The following CFAP47 variants were observed in gnomAD, a reference collection of about 807,000 sequenced individuals.
The protein encoded by CFAP47 is cilia- and flagella-associated protein 47.
In CFAP47, 29 loss-of-function variants were observed where a neutral mutation model predicts 148.1. The ratio of observed to expected loss-of-function variants is 0.20; its 90% CI spans 0.15 to 0.27. CFAP47 has a LOEUF of 0.27. Ranked by LOEUF, CFAP47 falls within the 10% of genes least tolerant of loss-of-function variation. The pLI, the probability that CFAP47 is intolerant of heterozygous loss-of-function variation, is 1.00. For missense variants in CFAP47, 1,872 were observed against 1,697.5 expected (o/e 1.10, Z -1.81); for synonymous variants, 664 against 577.3 (o/e 1.15, Z -2.15).
At chrX:36,339,460 A>G (rs1269414473) in intron 57 of CFAP47, among the ~76,000 whole-genome samples, 1 of 112,208 alleles carries the variant, frequency 8.9e-6, no homozygotes, top group Non-Finnish European at 1.9e-5. Context: ...CTAGAAAAAT[A>G]TACAGTTTCT....
chrX:36,120,962 TGAA>T (rs1033091768), intron 33 of CFAP47, among the ~76,000 whole-genome samples: 4 of 111,728 alleles, frequency 3.6e-5, no homozygotes, highest in African/African-American at 1.3e-4. Context: ...AGTGGGGTGT[TGAA>T]GTCTCCAGCT....
At chrX:36,308,191 T>A (rs1941366154) in intron 55 of CFAP47, among the ~76,000 whole-genome samples, 1 of 111,623 alleles carries the variant, frequency 9.0e-6, no homozygotes, top group Non-Finnish European at 1.9e-5. Context: ...TGTTAAATTC[T>A]TTATCAAACA....
intron 8 of CFAP47, among the ~76,000 whole-genome samples, chrX:35,965,316 T>G (rs1936387233): frequency 9.0e-6 from 1 of 111,404 alleles, no homozygotes; most frequent in Admixed American, 9.6e-5. Context: ...TAAGTAAGTA[T>G]GTTGGGGCAT....
intron 15 of CFAP47, among the ~76,000 whole-genome samples, chrX:35,984,982 A>G (rs1013522013): frequency 9.0e-6 from 1 of 110,992 alleles, no homozygotes; most frequent in East Asian, 2.8e-4. Context: ...TGAGTTTAGG[A>G]CCCGAATATC....
At chrX:36,355,126 T>G (rs1556018244) in intron 60 of CFAP47, among the ~76,000 whole-genome samples, 1 of 111,179 alleles carries the variant, frequency 9.0e-6, no homozygotes, top group African/African-American at 3.3e-5. Flanking sequence ...GAAAAAAAGT[T>G]CAATATCACT....
chrX:36,155,740 A>G (rs1474492531), intron 37 of CFAP47, among the ~76,000 whole-genome samples: 1 of 111,195 alleles, frequency 9.0e-6, no homozygotes, highest in Non-Finnish European at 1.9e-5. Context: ...CAGTGCTGTC[A>G]GTAATAAATA....
intron 45 of CFAP47, among the ~76,000 whole-genome samples, chrX:36,228,240 T>C (rs1309508951): frequency 9.0e-6 from 1 of 111,251 alleles, no homozygotes; most frequent in South Asian, 3.8e-4. Context: ...GTCTGGCCAG[T>C]TAAATGTAAT....
chrX:35,951,828 A>G lies in CFAP47; in HGVS notation c.911A>G (p.Asp304Gly), dbSNP rs767420279. 2.6e-6 allele frequency: 3 copies of G among 1,147,659 alleles called. No individual in the cohort carries two copies. The highest frequency in any genetic ancestry group is 3.4e-6 in the Non-Finnish European group (3 of 871,739). 94.6% of individuals were successfully genotyped at this position (1,147,659 alleles called of 1,213,427 possible). Residue 304 changes from aspartate (D) to glycine (G), a missense_variant, in exon 6 of 64, where the codon GAT becomes GGT. Coordinates refer to ENST00000378653, the MANE Select transcript of CFAP47 (RefSeq NM_001304548.2). Reference sequence around the variant, plus strand: ...GGTACAGATATTCAACAAAGAACAGATATTGCTTTAAATAATCTCACCTAC... The same window carrying G: ...GGTACAGATATTCAACAAAGAACAGGTATTGCTTTAAATAATCTCACCTAC... ...ELGTDIQQRT[D>G]IALNNLTYIR...
chrX:36,152,794 G>A (rs1277970091), intron 37 of CFAP47, among the ~76,000 whole-genome samples: 3 of 111,236 alleles, frequency 2.7e-5, no homozygotes, highest in African/African-American at 9.8e-5. Context: ...TTTTTATGTG[G>A]AGAGAATGAA....
Position 36,145,356 on chromosome X carries a change from A to C in CFAP47, c.5670+3A>C. On this transcript the variant is annotated splice_donor_region_variant and intron_variant, in intron 36 of 63. Coordinates refer to ENST00000378653, the MANE Select transcript of CFAP47 (RefSeq NM_001304548.2). ...TACATGACACGGTGCTGAATAAGGTAAGGATAATTTTGGGGTCAAAATGTG... is the reference window on the plus strand; with the variant it reads ...TACATGACACGGTGCTGAATAAGGTCAGGATAATTTTGGGGTCAAAATGTG... 1 of 296,592 alleles carries C rather than the reference A, an allele frequency of 3.4e-6. No homozygotes were observed. The highest frequency in any genetic ancestry group is 5.9e-6 in the Non-Finnish European group (1 of 169,761). 24.4% of individuals were successfully genotyped at this position (296,592 alleles called of 1,213,427 possible). A position where few individuals can be genotyped will look rare whatever the true frequency, so the allele number is the denominator to read the frequency against.
intron 33 of CFAP47, among the ~76,000 whole-genome samples, chrX:36,120,000 C>CTT (rs1175886669): frequency 2.0e-5 from 2 of 100,067 alleles, no homozygotes; most frequent in Admixed American, 1.1e-4. Flanking sequence ...AACACATCAG[C>CTT]TTTTTTTTTT....
At chrX:35,966,473 T>C in intron 8 of CFAP47, 92 bp from the exon 9 acceptor site, 1 of 582,840 alleles carries the variant, frequency 1.7e-6, no homozygotes, top group Non-Finnish European at 2.4e-6. Context: ...TAGCTTTCCT[T>C]GAAATTTTAT....
intron 39 of CFAP47, among the ~76,000 whole-genome samples, chrX:36,162,978 G>A (rs1790106425): frequency 8.9e-6 from 1 of 111,815 alleles, no homozygotes; most frequent in South Asian, 3.7e-4. Context: ...GTGAAGGATT[G>A]GTATTAGTTA....
intron 49 of CFAP47, among the ~76,000 whole-genome samples, chrX:36,255,111 C>T (rs782225975): frequency 2.3e-4 from 26 of 111,626 alleles, no homozygotes; most frequent in African/African-American, 7.8e-4. Flanking sequence ...GCCTGTTTGG[C>T]CATGGAACCA....
At chrX:36,030,031 GTC>G (rs1285783772) in intron 22 of CFAP47, among the ~76,000 whole-genome samples, 1 of 109,433 alleles carries the variant, frequency 9.1e-6, no homozygotes, top group Admixed American at 9.8e-5. Context: ...CTTCCTTTAT[GTC>G]TCTCTTTCAT....
chrX:35,972,024 A>C (rs1044503202), intron 13 of CFAP47, 59 bp downstream of exon 13: 9 of 752,299 alleles, frequency 1.2e-5, no homozygotes, highest in Non-Finnish European at 1.7e-5. Flanking sequence ...AAGATTTCTT[A>C]AAGTGTAATT....
chrX:36,092,982 T>G (rs991002940), intron 30 of CFAP47, among the ~76,000 whole-genome samples: 1 of 111,154 alleles, frequency 9.0e-6, no homozygotes, highest in African/African-American at 3.3e-5. Flanking sequence ...GATTTTTAGA[T>G]CCCACAAATA....
At chrX:36,065,561 G>A (rs1601956385) in intron 26 of CFAP47, 82 bp from the exon 27 acceptor site, 1 of 519,565 alleles carries the variant, frequency 1.9e-6, no homozygotes, top group Non-Finnish European at 3.3e-6. Flanking sequence ...TCATCATTAA[G>A]GGCATCTGGG....
At chrX:36,222,081 T>TA in intron 45 of CFAP47, among the ~76,000 whole-genome samples, 1 of 111,964 alleles carries the variant, frequency 8.9e-6, no homozygotes, top group Non-Finnish European at 1.9e-5. Flanking sequence ...CCCTGTGCTT[T>TA]AGGGCACCTG....
Sources: allele counts gnomAD v4.1 joint callset (sites outside exome capture counted in the v4.1 genomes callset), GRCh38; gene constraint gnomAD v4.1.1; transcripts MANE v1.5; gene names NCBI Gene and HGNC (gene_info 2026-07-23, HGNC 2026-07-21).